CCDC3: variants seen among roughly 807,000 people sequenced by gnomAD.
CCDC3 encodes the protein coiled-coil domain-containing protein 3.
A neutral mutation model predicts 21.4 loss-of-function variants in CCDC3; 24 were observed. That is an observed-to-expected ratio of 1.12 (90% CI 0.81 to 1.58). The LOEUF is 1.58. CCDC3 is among the 40% of genes most tolerant of loss of function. The pLI, the probability that CCDC3 is intolerant of heterozygous loss-of-function variation, is 0.00. For missense variants in CCDC3, 425 were observed against 360.9 expected (o/e 1.18, Z -1.44); for synonymous variants, 186 against 166.0 (o/e 1.12, Z -0.93).
At chr10:13,078,658 C>T (rs1228142907) in intron 3 of CCDC3, among the ~76,000 whole-genome samples, 2 of 152,170 alleles carry the variant, frequency 1.3e-5, no homozygotes, top group East Asian at 1.9e-4. Context: ...GGCACATATA[C>T]ACCCTGGAAT....
At chr10:13,088,215 C>G (rs1837136266) in intron 3 of CCDC3, among the ~76,000 whole-genome samples, 1 of 152,048 alleles carries the variant, frequency 6.6e-6, no homozygotes, top group African/African-American at 2.4e-5. Context: ...ACCATTGAGT[C>G]ATTGTAAAAG....
At position 13,001,293 on chromosome 10, in the gene CCDC3, A is replaced by G; in HGVS notation, c.278T>C (p.Val93Ala). 1 of 1,605,540 alleles carries G rather than the reference A, an allele frequency of 6.2e-7. No homozygotes were observed. Among genetic ancestry groups the G allele is most frequent in the Non-Finnish European group, 8.5e-7 (1 of 1,177,266 alleles). ...GAGGTTGAGCCTGGAGCCGGCGGGC[A>G]CCTCCAGCATGCTGCCCCACGCCTG... Reference protein sequence around the residue: ...CDQAWGSMLEVPAGSRLNLTG... With the variant: ...CDQAWGSMLEAPAGSRLNLTG... The change falls in exon 1 of 3, where the codon GTG (valine) becomes GCG (alanine). Residue 93 changes from valine (V) to alanine (A), a missense_variant. Coordinates refer to ENST00000378825, the MANE Select transcript of CCDC3 (RefSeq NM_031455.4).
At chr10:12,966,036 T>G (rs1346238853) in intron 2 of CCDC3, among the ~76,000 whole-genome samples, 1 of 152,178 alleles carries the variant, frequency 6.6e-6, no homozygotes, top group East Asian at 1.9e-4. Flanking sequence ...AGGTCCCCTT[T>G]GCAAGCCTTT....
chr10:13,038,339 C>T (rs1261875055), intron 5 of CCDC3, among the ~76,000 whole-genome samples: 1 of 144,832 alleles, frequency 6.9e-6, no homozygotes, highest in African/African-American at 2.6e-5. Context: ...TGTGCACATC[C>T]TGCACATGTA....
intron 5 of CCDC3, among the ~76,000 whole-genome samples, chr10:13,048,079 T>A (rs1564332188): frequency 6.6e-6 from 1 of 152,192 alleles, no homozygotes; most frequent in Non-Finnish European, 1.5e-5. Flanking sequence ...AGTAACTATC[T>A]GCGGGGATGT....
chr10:13,057,324 G>A (rs1361304442), intron 4 of CCDC3, among the ~76,000 whole-genome samples: 1 of 151,754 alleles, frequency 6.6e-6, no homozygotes, highest in Non-Finnish European at 1.5e-5. Context: ...AAATAATGAG[G>A]GGACAAGAAG....
chr10:12,903,865 T>A (rs934450947), intron 2 of CCDC3, among the ~76,000 whole-genome samples: 1 of 152,106 alleles, frequency 6.6e-6, no homozygotes, highest in Admixed American at 6.5e-5. Flanking sequence ...AAACATTTTT[T>A]AAAAATATGG....
intron 2 of CCDC3, among the ~76,000 whole-genome samples, chr10:12,961,150 A>G (rs940782392): frequency 3.9e-5 from 6 of 152,198 alleles, no homozygotes; most frequent in African/African-American, 1.4e-4. Context: ...GGAATTCCAC[A>G]GACCTAAGTT....
intron 3 of CCDC3, among the ~76,000 whole-genome samples, chr10:13,094,009 A>C (rs1249581775): frequency 6.6e-6 from 1 of 152,184 alleles, no homozygotes. Context: ...TAAACAGAAA[A>C]TTTTGCTAAA....
intron 2 of CCDC3, among the ~76,000 whole-genome samples, chr10:12,977,945 G>A (rs1057064831): frequency 7.2e-5 from 11 of 152,048 alleles, no homozygotes; most frequent in South Asian, 4.2e-4. Flanking sequence ...CGTGGATGGC[G>A]TACAGATGGT....
intron 4 of CCDC3, among the ~76,000 whole-genome samples, chr10:13,063,965 G>A (rs1401217945): frequency 1.3e-5 from 2 of 151,724 alleles, no homozygotes; most frequent in Admixed American, 6.6e-5. Flanking sequence ...GTCTCGCTCT[G>A]TCGTCACGCT....
chr10:12,994,316 TGAAC>T (rs1835724210), intron 2 of CCDC3, among the ~76,000 whole-genome samples: 2 of 151,610 alleles, frequency 1.3e-5, no homozygotes, highest in African/African-American at 4.9e-5. Context: ...AAGTATCACT[TGAAC>T]CTGGGAGACA....
rs188381066 is a variant in CCDC3 at position 13,001,146 on chromosome 10, G to A, written c.374+51C>T. 268 of 1,521,992 alleles carry A rather than the reference G, an allele frequency of 1.8e-4. 1 individual carries two copies. In the African/African-American group the frequency reaches 3.2e-3, roughly 18 times the overall value. The allele number at this position is 1,521,992 out of a possible 1,614,324, so 94.3% of individuals were successfully genotyped here. On this transcript the variant is annotated intron_variant, in intron 1 of 2. Coordinates refer to ENST00000378825, the MANE Select transcript of CCDC3 (RefSeq NM_031455.4). ...CCTGGCTCTAGGTAACGGCGACCTC[G>A]GGAGGTGGCGCAGAGAGAGAGAGAG... is the stretch of plus-strand genomic sequence containing the variant.
intron 5 of CCDC3, among the ~76,000 whole-genome samples, chr10:13,007,018 T>G (rs892882007): frequency 6.6e-6 from 1 of 152,218 alleles, no homozygotes. Flanking sequence ...ACCTTTACGG[T>G]AGAGGTACTT....
At chr10:13,082,162 G>A (rs1837047138) in intron 3 of CCDC3, among the ~76,000 whole-genome samples, 1 of 152,138 alleles carries the variant, frequency 6.6e-6, no homozygotes, top group Admixed American at 6.5e-5. Context: ...CCACCAAGAT[G>A]TGGAGACTGA....
At chr10:12,998,742 T>C (rs1352014417) in intron 1 of CCDC3, among the ~76,000 whole-genome samples, 1 of 152,218 alleles carries the variant, frequency 6.6e-6, no homozygotes, top group African/African-American at 2.4e-5. Flanking sequence ...GAAAACTATG[T>C]GTATGGTGCC....
chr10:13,013,955 A>T (rs1295976323), intron 5 of CCDC3, among the ~76,000 whole-genome samples: 1 of 152,006 alleles, frequency 6.6e-6, no homozygotes, highest in East Asian at 1.9e-4. Flanking sequence ...GCTTGAGACC[A>T]GCCTGGCCAA....
At chr10:13,089,391 C>G (rs1837152024) in intron 3 of CCDC3, among the ~76,000 whole-genome samples, 1 of 152,000 alleles carries the variant, frequency 6.6e-6, no homozygotes, top group Non-Finnish European at 1.5e-5. Flanking sequence ...TTGTTATATT[C>G]TTTGAAGTTG....
chr10:12,931,556 G>A (rs938281143), intron 2 of CCDC3, among the ~76,000 whole-genome samples: 12 of 152,334 alleles, frequency 7.9e-5, no homozygotes, highest in South Asian at 4.1e-4. Flanking sequence ...AGAAGCATTT[G>A]GTTTTTCTAT....
Sources: allele counts gnomAD v4.1 joint callset (sites outside exome capture counted in the v4.1 genomes callset), GRCh38; gene constraint gnomAD v4.1.1; transcripts MANE v1.5; gene names NCBI Gene and HGNC (gene_info 2026-07-23, HGNC 2026-07-21).